The following ZUP1 variants were observed in gnomAD, a reference collection of about 807,000 sequenced individuals.
ZUP1 encodes zinc finger-containing ubiquitin peptidase 1.
ZUP1 carries 55 observed loss-of-function variants against 68.1 expected under a neutral mutation model. The ratio of observed to expected loss-of-function variants is 0.81; its 90% CI spans 0.65 to 1.01. The LOEUF (loss-of-function observed/expected upper bound fraction) is 1.01, where lower values mean the gene tolerates loss of function less well. Ranked by LOEUF, ZUP1 falls within the 50% of genes least tolerant of loss-of-function variation. ZUP1 has a pLI of 0.00. For synonymous variants in ZUP1, 223 were observed against 221.5 expected, an observed-to-expected ratio of 1.01 and a Z score of -0.06; for missense variants, 684 against 674.9, an observed-to-expected ratio of 1.01 and a Z score of -0.15.
intron 9 of ZUP1, among the ~76,000 whole-genome samples, chr6:116,642,847 CAGG>C (rs1776154639): frequency 6.6e-6 from 1 of 152,064 alleles, no homozygotes; most frequent in African/African-American, 2.4e-5. Flanking sequence ...GGCAATTAGG[CAGG>C]AGAAGGAAAT....
chr6:116,645,622 G>T (rs879148474), intron 9 of ZUP1, 92 bp downstream of exon 9: 2,457 of 613,994 alleles, frequency 4.0e-3, no homozygotes, highest in Non-Finnish European at 5.6e-3. Flanking sequence ...AGAAAAAAAA[G>T]AAAAAAGTGA....
intron 3 of ZUP1, chr6:116,660,136 G>A (rs1490735742): frequency 6.6e-6 from 1 of 152,248 alleles, no homozygotes; most frequent in Non-Finnish European, 1.5e-5. Flanking sequence ...CTTAGGGTGA[G>A]TGAGCAGTAA....
intron 5 of ZUP1, among the ~76,000 whole-genome samples, chr6:116,655,950 T>C (rs989875247): frequency 6.6e-6 from 1 of 152,238 alleles, no homozygotes; most frequent in African/African-American, 2.4e-5. Context: ...TTTTGAAGAA[T>C]GTATAAACAA....
chr6:116,638,314 A>T (rs1775966431), intron 9 of ZUP1, among the ~76,000 whole-genome samples: 1 of 152,110 alleles, frequency 6.6e-6, no homozygotes, highest in Non-Finnish European at 1.5e-5. Context: ...GCTATCATAT[A>T]GCTTCAGTTC....
intron 9 of ZUP1, among the ~76,000 whole-genome samples, chr6:116,638,701 G>A (rs916975897): frequency 6.6e-6 from 1 of 152,164 alleles, no homozygotes; most frequent in Non-Finnish European, 1.5e-5. Flanking sequence ...TTTGGAGGAG[G>A]AGGAGCCAAG....
intron 9 of ZUP1, among the ~76,000 whole-genome samples, chr6:116,641,803 T>C (rs1276879938): frequency 2.6e-5 from 4 of 152,024 alleles, no homozygotes; most frequent in East Asian, 3.9e-4. Context: ...AGCAAACACA[T>C]TCAAAAGCTA....
intron 4 of ZUP1, among the ~76,000 whole-genome samples, chr6:116,657,262 A>T (rs1302830169): frequency 2.0e-5 from 3 of 152,190 alleles, no homozygotes; most frequent in Admixed American, 6.5e-5. Context: ...TCATTTAGTC[A>T]GTCATGTTAC....
At chr6:116,645,655 G>A (rs1583364897) in intron 9 of ZUP1, 59 bp downstream of exon 9, 145 of 1,133,784 alleles carry the variant, frequency 1.3e-4, no homozygotes, top group South Asian at 6.3e-4. Flanking sequence ...TAAACTAAAA[G>A]TTTTAAACTT....
At position 116,667,133 on chromosome 6, in the gene ZUP1, G is replaced by C. The variant is rs1419939789; in HGVS notation, c.60C>G (p.His20Gln). 1.2e-6 allele frequency: 2 copies of C among 1,612,618 alleles called. No individual in the cohort carries two copies. Among genetic ancestry groups the C allele is most frequent in the Admixed American group, 3.3e-5 (2 of 59,816 alleles). The change falls in exon 2 of 10, where the codon CAC (histidine) becomes CAG (glutamine). Residue 20 changes from histidine (H) to glutamine (Q), a missense_variant. His to Gln is a conservative substitution (Grantham distance 24). Transcript: ENST00000368576. ...TVTSEPDMKA[H>Q]LIVHMESEII... ...TTTCACTTTCCATGTGAACAATTAG[G>C]TGAGCTTTCATGTCTGGTTCTGAGG...
rs765498994 is a variant in ZUP1, at chr6:116,667,052, A to G, written c.141T>C (p.His47=). 3.1e-6 allele frequency: 5 copies of G among 1,613,746 alleles called. No homozygotes were observed. Among genetic ancestry groups the G allele is most frequent in the Admixed American group, 1.7e-5 (1 of 59,988 alleles). The part of the protein sequence containing the change: ...SGVNYDEMCF[H]IETAHFEQNT... ...TCTGCTCAAAATGAGCTGTTTCGAT[A>G]TGAAAACACATTTCATCATAATTCA... Residue 47 remains histidine, a synonymous_variant, in exon 2 of 10, where the codon CAT becomes CAC. Transcript: ENST00000368576.
chr6:116,649,007 A>T (rs895370766), intron 7 of ZUP1, among the ~76,000 whole-genome samples: 4 of 151,902 alleles, frequency 2.6e-5, no homozygotes, highest in Non-Finnish European at 5.9e-5. Context: ...AAAGAAAAAA[A>T]TTACTTTAAA....
chr6:116,659,202 T>C (rs1243871815), intron 3 of ZUP1, among the ~76,000 whole-genome samples: 1 of 152,208 alleles, frequency 6.6e-6, no homozygotes, highest in Non-Finnish European at 1.5e-5. Flanking sequence ...CGATCTCAGC[T>C]CACTGCAACC....
chr6:116,665,801 G>A (rs1776990234), intron 2 of ZUP1, among the ~76,000 whole-genome samples: 1 of 145,856 alleles, frequency 6.9e-6, no homozygotes, highest in South Asian at 2.1e-4. Flanking sequence ...ACATTGCCCA[G>A]GATCGTCTCG....
intron 7 of ZUP1, among the ~76,000 whole-genome samples, chr6:116,650,206 T>A (rs1461370844): frequency 6.6e-6 from 1 of 151,952 alleles, no homozygotes; most frequent in Non-Finnish European, 1.5e-5. Flanking sequence ...GTGGATCACC[T>A]GTGGTCAAGA....
intron 9 of ZUP1, among the ~76,000 whole-genome samples, chr6:116,641,524 G>C (rs1776100110): frequency 6.6e-6 from 1 of 151,900 alleles, no homozygotes; most frequent in Admixed American, 6.6e-5. Flanking sequence ...TAGAACTCAG[G>C]ATTAAGAAAC....
At chr6:116,647,644 G>A (rs753205122) in intron 7 of ZUP1, 34 bp from the exon 8 acceptor site, 10 of 1,428,540 alleles carry the variant, frequency 7.0e-6, no homozygotes, top group Middle Eastern at 1.9e-4. Flanking sequence ...CATTTAAAGG[G>A]CATTTTAAAA....
intron 9 of ZUP1, among the ~76,000 whole-genome samples, chr6:116,644,249 A>G (rs1776215957): frequency 6.6e-6 from 1 of 152,170 alleles, no homozygotes; most frequent in Admixed American, 6.5e-5. Flanking sequence ...TGGGACTATA[A>G]ACTAGTTCAA....
intron 5 of ZUP1, among the ~76,000 whole-genome samples, chr6:116,653,942 A>G (rs1319478063): frequency 6.6e-6 from 1 of 152,040 alleles, no homozygotes; most frequent in Admixed American, 6.6e-5. Flanking sequence ...TATTTTCCAC[A>G]GTAAATTTAT....
In ZUP1 at chr6:116,645,602, G is replaced by C. The variant is rs377713582; in HGVS notation, c.1689+112C>G. The C allele has an allele frequency of 3.2e-5, 18 of 562,796 alleles. No homozygotes were observed. In the South Asian group the frequency reaches 5.2e-4, roughly 16 times the overall value. The allele number at this position is 562,796 out of a possible 1,614,324, so 34.9% of individuals were successfully genotyped here. A position where few individuals can be genotyped will look rare whatever the true frequency, so the allele number is the denominator to read the frequency against. On this transcript the variant is annotated intron_variant, in intron 9 of 9. Coordinates refer to ENST00000368576, the MANE Select transcript of ZUP1 (RefSeq NM_145062.3). Reference sequence around the variant, plus strand: ...TGTCTCCAAAAAAAAAAAAAAAAAAGAAAAAGAATAGAAAAAAAAGAAAAA... The same window carrying C: ...TGTCTCCAAAAAAAAAAAAAAAAAACAAAAAGAATAGAAAAAAAAGAAAAA...
Sources: gnomAD v4.1 joint callset for allele counts (sites outside exome capture counted in the v4.1 genomes callset) on GRCh38, gnomAD v4.1.1 for gene constraint, MANE v1.5 for transcripts, NCBI Gene and HGNC (gene_info 2026-07-23, HGNC 2026-07-21) for gene names.